Variants in CRTC1 observed in about 807,000 individuals in gnomAD.
CRTC1 encodes the protein CREB-regulated transcription coactivator 1.
Under a neutral mutation model 66.1 loss-of-function variants are expected in CRTC1, and 18 were observed. That is an observed-to-expected ratio of 0.27 (90% CI 0.19 to 0.40). The LOEUF is 0.40. Among genes scored for constraint, CRTC1 ranks in the 10% least tolerant of loss-of-function variants. The pLI, the probability that CRTC1 is intolerant of heterozygous loss-of-function variation, is 1.00. For missense variants in CRTC1, 669 were observed against 887.9 expected (o/e 0.75, Z 3.13); for synonymous variants, 416 against 398.8 (o/e 1.04, Z -0.51).
At chr19:18,775,089 G>C (rs1008853890) in intron 12 of CRTC1, 103 bp downstream of exon 12, 12 of 1,160,508 alleles carry the variant, frequency 1.0e-5, no homozygotes, top group Non-Finnish European at 1.5e-5. Context: ...GCACGTGCTC[G>C]GGGGGCCCGT....
rs1372417761 is a variant in CRTC1, at chr19:18,710,456, G to A, written c.126+26628G>A. ...TGCAGGGTTTTCTGGGGCTGCTGGA[G>A]GGGGTGGGAGCCAGGAGCCAGTGTG... On this transcript the variant is annotated intron_variant, in intron 1 of 13. Transcript: ENST00000321949. 2.0e-5 allele frequency among the ~76,000 whole-genome samples: 3 copies of A among 150,854 alleles called. No homozygotes were observed. In the East Asian group the frequency reaches 6.1e-4, roughly 31 times the overall value.
intron 1 of CRTC1, among the ~76,000 whole-genome samples, chr19:18,737,936 A>G (rs1310212116): frequency 6.6e-6 from 1 of 152,148 alleles, no homozygotes; most frequent in Non-Finnish European, 1.5e-5. Flanking sequence ...TGTAATACGT[A>G]TAACATACCA....
intron 1 of CRTC1, among the ~76,000 whole-genome samples, chr19:18,725,960 C>T (rs2053741718): frequency 6.6e-6 from 1 of 152,256 alleles, no homozygotes; most frequent in Non-Finnish European, 1.5e-5. Flanking sequence ...CAGCCCAGGT[C>T]TGCCTGTGCC....
chr19:18,747,316 C>T (rs916647899), intron 4 of CRTC1, among the ~76,000 whole-genome samples: 1 of 152,016 alleles, frequency 6.6e-6, no homozygotes, highest in Non-Finnish European at 1.5e-5. Context: ...TTTCCCTTCC[C>T]CCCACTTATG....
intron 1 of CRTC1, among the ~76,000 whole-genome samples, chr19:18,711,445 C>G (rs1247590578): frequency 2.6e-5 from 4 of 152,150 alleles, no homozygotes; most frequent in African/African-American, 7.2e-5. Flanking sequence ...GTTGTCGGCA[C>G]TTCCAGCGTT....
At chr19:18,754,072 G>T (rs547868424) in intron 6 of CRTC1, among the ~76,000 whole-genome samples, 2 of 146,416 alleles carry the variant, frequency 1.4e-5, no homozygotes, top group African/African-American at 5.1e-5. Context: ...TTGCACTCCC[G>T]CCTGGGCAAC....
chr19:18,715,999 G>A (rs76430269), intron 1 of CRTC1, among the ~76,000 whole-genome samples: 2 of 152,142 alleles, frequency 1.3e-5, no homozygotes, highest in Non-Finnish European at 2.9e-5. Context: ...CGGTTGGCGG[G>A]GGGGGTGTCG....
intron 1 of CRTC1, among the ~76,000 whole-genome samples, chr19:18,698,781 T>G (rs1383614604): frequency 6.7e-6 from 1 of 149,946 alleles, no homozygotes; most frequent in Non-Finnish European, 1.5e-5. Context: ...TGTATACAGG[T>G]GCTCAGCAGG....
rs2055032402 is a variant in CRTC1, at chr19:18,777,997, G to A, written c.*615G>A. On this transcript the variant is annotated 3_prime_UTR_variant, in exon 14 of 14. Transcript: ENST00000321949. The surrounding 1 kb of genome is among the most constrained non-coding windows in gnomAD (Gnocchi z 5.5). ...CACACACAGAGCCCTGGCGTCCACC[G>A]GGGCAGGCGCAAAGTGGACAGAGCA... 8.4e-6 allele frequency: 2 copies of A among 237,746 alleles called. No individual in the cohort carries two copies. Among genetic ancestry groups the A allele is most frequent in the East Asian group, 6.0e-5 (1 of 16,572 alleles). 14.7% of individuals were successfully genotyped at this position (237,746 alleles called of 1,614,324 possible). A position where few individuals can be genotyped will look rare whatever the true frequency, so the allele number is the denominator to read the frequency against.
chr19:18,725,622 C>A (rs2053733161), intron 1 of CRTC1, among the ~76,000 whole-genome samples: 1 of 152,156 alleles, frequency 6.6e-6, no homozygotes, highest in Non-Finnish European at 1.5e-5. Context: ...TGGCCACTTG[C>A]ATCCCTGGGG....
intron 5 of CRTC1, among the ~76,000 whole-genome samples, chr19:18,751,794 A>G (rs902970429): frequency 2.0e-5 from 3 of 152,160 alleles, no homozygotes; most frequent in Admixed American, 6.5e-5. Context: ...CGGGGGCTCA[A>G]TAAAGGTTCA....
At chr19:18,723,340 G>A (rs1281950613) in intron 1 of CRTC1, among the ~76,000 whole-genome samples, 1 of 152,150 alleles carries the variant, frequency 6.6e-6, no homozygotes, top group African/African-American at 2.4e-5. Context: ...TCCACCTACC[G>A]TTTGTAAGTT....
intron 3 of CRTC1, among the ~76,000 whole-genome samples, chr19:18,746,550 G>C (rs1009620790): frequency 6.8e-6 from 1 of 146,686 alleles, no homozygotes; most frequent in African/African-American, 2.5e-5. Flanking sequence ...GAGTCTGAGC[G>C]GCCTCAGGTT....
rs571116700 is a variant in CRTC1, at chr19:18,770,549, T to G, written c.1321-893T>G. Among the ~76,000 whole-genome samples the G allele has an allele frequency of 4.6e-5, 7 of 152,336 alleles. No individual in the cohort carries two copies. In the East Asian group the frequency reaches 1.3e-3, roughly 29 times the overall value. On this transcript the variant is annotated intron_variant, in intron 10 of 13. Transcript: ENST00000321949. ...GCCGGGAACAGGAGGCAGCCTTGGG[T>G]TTTCCCTGCCCATGGCGGTGTGTGT...
Position 18,760,314 on chromosome 19 carries a change from G to T in CRTC1, c.886+86G>T. The stretch of plus-strand genomic sequence containing the variant: ...CTGCAGGATGACTTGGCAGAGTCCC[G>T]TTCCAAATACTAGGGCATGGGGGAC... On this transcript the variant is annotated intron_variant, in intron 8 of 13. Transcript: ENST00000321949. This position sits in a 1 kb window ranked among gnomAD's most constrained non-coding sequence, Gnocchi z 6.2. The T allele has an allele frequency of 2.6e-6, 3 of 1,171,800 alleles. No homozygotes were observed. Among genetic ancestry groups the T allele is most frequent in the Non-Finnish European group, 2.4e-6 (2 of 825,340 alleles). The allele number at this position is 1,171,800 out of a possible 1,614,324, so 72.6% of individuals were successfully genotyped here.
At position 18,690,023 on chromosome 19, in the gene CRTC1, G is replaced by A. The variant is rs796623577; in HGVS notation, c.126+6195G>A. On this transcript the variant is annotated intron_variant, in intron 1 of 13. Coordinates refer to ENST00000321949, the MANE Select transcript of CRTC1 (RefSeq NM_015321.3). ...CTGGAGCAAGGGGGTGACAGAGCGG[G>A]TGGATTTGGTGGCATTTCTGCAGCA... Among the ~76,000 whole-genome samples, 3 of 150,712 alleles carry A rather than the reference G, an allele frequency of 2.0e-5. No individual in the cohort carries two copies. The East Asian group carries it at 5.9e-4, about 30-fold the overall frequency.
intron 1 of CRTC1, among the ~76,000 whole-genome samples, chr19:18,691,013 G>A (rs2052818467): frequency 6.9e-6 from 1 of 145,984 alleles, no homozygotes; most frequent in Admixed American, 6.9e-5. Flanking sequence ...ATGACAGAGC[G>A]AGACTCCGTC....
At chr19:18,764,348 C>T (rs1044936276) in intron 8 of CRTC1, among the ~76,000 whole-genome samples, 3 of 152,238 alleles carry the variant, frequency 2.0e-5, no homozygotes, top group South Asian at 2.1e-4. Context: ...GAGAGGGCGG[C>T]TGTTATCGTC....
intron 1 of CRTC1, among the ~76,000 whole-genome samples, chr19:18,731,203 G>A (rs2053881106): frequency 6.6e-6 from 1 of 152,214 alleles, no homozygotes; most frequent in Non-Finnish European, 1.5e-5. Context: ...TAAGACAATA[G>A]AAATGTCTTG....
Sources: allele counts gnomAD v4.1 joint callset (sites outside exome capture counted in the v4.1 genomes callset), GRCh38; gene constraint gnomAD v4.1.1; non-coding constraint Gnocchi (gnomAD v3.1); transcripts MANE v1.5; gene names NCBI Gene and HGNC (gene_info 2026-07-23, HGNC 2026-07-21).